The following ZNF362 variants were observed in gnomAD, a reference collection of about 807,000 sequenced individuals.
ZNF362 encodes zinc finger protein 362.
Under a neutral mutation model 42.9 loss-of-function variants are expected in ZNF362, and 11 were observed. The ratio of observed to expected loss-of-function variants is 0.26; its 90% CI spans 0.16 to 0.42. The LOEUF (loss-of-function observed/expected upper bound fraction) is 0.42, where lower values mean the gene tolerates loss of function less well. Ranked by LOEUF, ZNF362 falls within the 20% of genes least tolerant of loss-of-function variation. The pLI is 1.00. For synonymous variants in ZNF362, 255 were observed against 257.3 expected, an observed-to-expected ratio of 0.99 and a Z score of 0.09; for missense variants, 362 against 576.2, an observed-to-expected ratio of 0.63 and a Z score of 3.81.
the ZNF362 span, chr1:33,180,918 A>C: frequency 9.0e-5 from 55 of 608,434 alleles, no homozygotes; most frequent in Non-Finnish European, 1.1e-4. Flanking sequence ...CCGCCCCAGG[A>C]CCATTCTGAC....
chr1:33,269,195 C>G (rs1195567314), intron 1 of ZNF362, among the ~76,000 whole-genome samples: 1 of 152,220 alleles, frequency 6.6e-6, no homozygotes, highest in African/African-American at 2.4e-5. Flanking sequence ...CCTGACCTCC[C>G]CCTGCCCCAT....
the ZNF362 span, among the ~76,000 whole-genome samples, chr1:33,174,462 G>T: frequency 6.6e-6 from 1 of 152,158 alleles, no homozygotes; most frequent in Non-Finnish European, 1.5e-5. Flanking sequence ...GGAGTTACAG[G>T]TGTGAGCTAC....
the ZNF362 span, chr1:33,158,349 C>T: frequency 6.2e-7 from 1 of 1,613,778 alleles, no homozygotes; most frequent in East Asian, 2.2e-5. Flanking sequence ...AGGTTGGTCT[C>T]ATGGATTTTT....
chr1:33,187,922 A>G, the ZNF362 span, among the ~76,000 whole-genome samples: 2 of 152,130 alleles, frequency 1.3e-5, no homozygotes, highest in African/African-American at 4.8e-5. Context: ...TACAATAGCT[A>G]TTGTCTCAAG....
At chr1:33,211,074 C>T in the ZNF362 span, among the ~76,000 whole-genome samples, 1 of 151,962 alleles carries the variant, frequency 6.6e-6, no homozygotes, top group Non-Finnish European at 1.5e-5. Flanking sequence ...GCTGGGACTA[C>T]AGGTGCCCAC....
the ZNF362 span, among the ~76,000 whole-genome samples, chr1:33,239,811 A>G: frequency 3.9e-5 from 6 of 152,200 alleles, no homozygotes. Flanking sequence ...GAACAAAATC[A>G]TATCAGATGG....
At chr1:33,158,302 G>C in the ZNF362 span, 5 of 1,614,082 alleles carry the variant, frequency 3.1e-6, no homozygotes, top group Non-Finnish European at 4.2e-6. Flanking sequence ...ACTGCAGGGG[G>C]CCTGTGTACT....
At chr1:33,177,740 AC>A in the ZNF362 span, among the ~76,000 whole-genome samples, 1 of 152,174 alleles carries the variant, frequency 6.6e-6, no homozygotes, top group Admixed American at 6.5e-5. The surrounding 1 kb of genome is among the most constrained non-coding windows in gnomAD (Gnocchi z 4.1). Context: ...CCTATAACAC[AC>A]AAGATGGCCC....
At chr1:33,151,238 G>A in the ZNF362 span, among the ~76,000 whole-genome samples, 1 of 152,150 alleles carries the variant, frequency 6.6e-6, no homozygotes. Flanking sequence ...GACCTGTGCT[G>A]CTTGAAGCCC....
chr1:33,158,936 G>A, the ZNF362 span, among the ~76,000 whole-genome samples: 2 of 152,124 alleles, frequency 1.3e-5, no homozygotes, highest in African/African-American at 4.8e-5. Flanking sequence ...TGCCTCCTGG[G>A]TTCAAGCAAT....
chr1:33,273,171 C>T lies in ZNF362; in HGVS notation c.38+2559C>T, dbSNP rs201883398. Among the ~76,000 whole-genome samples, 6 of 152,368 alleles carry T rather than the reference C, an allele frequency of 3.9e-5. No individual in the cohort carries two copies. The East Asian group carries it at 7.7e-4, about 20-fold the overall frequency. ...TGAGCACCTAGCAGTGTGTCTGACA[C>T]GCAGGAAGAGCTCAGGAAATGTTTG... is the stretch of plus-strand genomic sequence containing the variant. On this transcript the variant is annotated intron_variant, in intron 2 of 8. Transcript: ENST00000539719.
At chr1:33,161,004 G>A in the ZNF362 span, among the ~76,000 whole-genome samples, 5 of 152,222 alleles carry the variant, frequency 3.3e-5, no homozygotes, top group African/African-American at 9.6e-5. This position sits in a 1 kb window ranked among gnomAD's most constrained non-coding sequence, Gnocchi z 4.3. Flanking sequence ...GACAGTCTGC[G>A]TAAGGACTCT....
rs191491410 is a variant in ZNF362 at position 33,262,600 on chromosome 1, C to T, written c.-89+5946C>T. Among the ~76,000 whole-genome samples the T allele has an allele frequency of 1.8e-3, 272 of 152,306 alleles. 1 individual carries two copies. Among genetic ancestry groups the T allele is most frequent in the African/African-American group, 6.0e-3 (251 of 41,576 alleles). On this transcript the variant is annotated intron_variant, in intron 1 of 8. Transcript: ENST00000539719. ...GGGATTACAGGCGTGAGCCACCGCA[C>T]CTGGCCGGCTTTAGGATTCTTGAGG...
chr1:33,218,982 T>G, the ZNF362 span, among the ~76,000 whole-genome samples: 1 of 78,056 alleles, frequency 1.3e-5, no homozygotes. Context: ...CACACACACA[T>G]ACACCACCCC....
At chr1:33,288,765 A>AAAAAAAAGAG (rs1646051958) in intron 6 of ZNF362, among the ~76,000 whole-genome samples, 1 of 133,618 alleles carries the variant, frequency 7.5e-6, no homozygotes, top group Non-Finnish European at 1.7e-5. Context: ...AAAAAAAAGA[A>AAAAAAAAGAG]GCGTGACCAC....
At chr1:33,194,115 T>C in the ZNF362 span, among the ~76,000 whole-genome samples, 1 of 152,154 alleles carries the variant, frequency 6.6e-6, no homozygotes, top group Non-Finnish European at 1.5e-5. Context: ...ATGCAATAGA[T>C]GTTTTAAAGA....
the ZNF362 span, among the ~76,000 whole-genome samples, chr1:33,247,095 T>C: frequency 9.2e-5 from 14 of 152,226 alleles, 1 homozygote; most frequent in South Asian, 2.7e-3. Flanking sequence ...AAAGCAGAGG[T>C]CTCAGGACCT....
At chr1:33,250,982 G>C in the ZNF362 span, among the ~76,000 whole-genome samples, 1 of 152,176 alleles carries the variant, frequency 6.6e-6, no homozygotes. Flanking sequence ...ATGAGGAGGT[G>C]GTTAGCTAGC....
At chr1:33,179,358 C>T in the ZNF362 span, among the ~76,000 whole-genome samples, 1 of 152,204 alleles carries the variant, frequency 6.6e-6, no homozygotes, top group Non-Finnish European at 1.5e-5. Context: ...CGATGGTGAA[C>T]ATGGGCCATT....
Sources: allele counts gnomAD v4.1 joint callset (sites outside exome capture counted in the v4.1 genomes callset), GRCh38; gene constraint gnomAD v4.1.1; non-coding constraint Gnocchi (gnomAD v3.1); transcripts MANE v1.5; gene names NCBI Gene and HGNC (gene_info 2026-07-23, HGNC 2026-07-21).